RBFOX1: variants seen among roughly 807,000 people sequenced by gnomAD.
RBFOX1 encodes RNA binding fox-1 homolog 1, also known as RNA binding protein fox-1 homolog 1.
A neutral mutation model predicts 57.7 loss-of-function variants in RBFOX1; 8 were observed. The observed-to-expected ratio is 0.14, with a 90% CI of 0.08 to 0.25. RBFOX1 has a LOEUF of 0.25. RBFOX1 is among the 10% of genes least tolerant of loss of function. The pLI is 1.00. For missense variants in RBFOX1, 611 were observed against 548.5 expected (o/e 1.11, Z -1.14); for synonymous variants, 326 against 222.4 (o/e 1.47, Z -4.15).
intron 1 of RBFOX1, among the ~76,000 whole-genome samples, chr16:6,059,842 T>C (rs1444341708): frequency 6.6e-6 from 1 of 152,142 alleles, no homozygotes; most frequent in Non-Finnish European, 1.5e-5. Context: ...TTAGCCATGA[T>C]TCCAGGAATA....
intron 3 of RBFOX1, among the ~76,000 whole-genome samples, chr16:6,884,641 G>T (rs1304907427): frequency 6.6e-6 from 1 of 152,176 alleles, no homozygotes; most frequent in African/African-American, 2.4e-5. Context: ...GCTCACACCT[G>T]TAATCCCAGC....
intron 3 of RBFOX1, among the ~76,000 whole-genome samples, chr16:6,837,323 G>T (rs1355907430): frequency 6.6e-6 from 1 of 152,184 alleles, no homozygotes; most frequent in Non-Finnish European, 1.5e-5. Flanking sequence ...TTTTGTAGAT[G>T]TGCCACCTGG....
intron 14 of RBFOX1, among the ~76,000 whole-genome samples, chr16:7,687,127 T>A (rs867361131): frequency 6.6e-6 from 1 of 152,052 alleles, no homozygotes; most frequent in Non-Finnish European, 1.5e-5. Flanking sequence ...TCAATCTGTT[T>A]GGTTACTTGT....
chr16:6,745,813 G>T (rs890592611), intron 3 of RBFOX1, among the ~76,000 whole-genome samples: 1 of 152,124 alleles, frequency 6.6e-6, no homozygotes, highest in Non-Finnish European at 1.5e-5. Context: ...GAGGTAAAAG[G>T]CATCTGTTTA....
intron 3 of RBFOX1, among the ~76,000 whole-genome samples, chr16:6,672,881 C>T (rs1002338084): frequency 6.6e-6 from 1 of 152,086 alleles, no homozygotes; most frequent in African/African-American, 2.4e-5. Flanking sequence ...GCCCCCTTTC[C>T]CAAGAGACCC....
chr16:6,023,240 C>G lies in RBFOX1; in HGVS notation c.-127+3248C>G, dbSNP rs139855518. Among the ~76,000 whole-genome samples the G allele has an allele frequency of 6.7e-3, 996 of 148,196 alleles. 11 individuals carry two copies. Among genetic ancestry groups the G allele is most frequent in the African/African-American group, 0.023 (917 of 39,730 alleles). On this transcript the variant is annotated intron_variant, in intron 1 of 15. Coordinates refer to ENST00000550418, the MANE Select transcript of RBFOX1 (RefSeq NM_018723.4). Reference sequence around the variant, plus strand: ...CCTCCTGGAATTGACCCACTCTGCCCTATTTTTCTTCTCATTATAATTGAA... The same window carrying G: ...CCTCCTGGAATTGACCCACTCTGCCGTATTTTTCTTCTCATTATAATTGAA...
chr16:6,236,982 T>G (rs1329038815), intron 1 of RBFOX1, among the ~76,000 whole-genome samples: 1 of 152,156 alleles, frequency 6.6e-6, no homozygotes, highest in African/African-American at 2.4e-5. Flanking sequence ...AATATTCTAT[T>G]TCATCTCTAA....
At chr16:6,149,608 T>C (rs1189727850) in intron 1 of RBFOX1, among the ~76,000 whole-genome samples, 1 of 152,192 alleles carries the variant, frequency 6.6e-6, no homozygotes, top group African/African-American at 2.4e-5. Context: ...ATGCTAGATA[T>C]GCATTGGGTC....
intron 2 of RBFOX1, among the ~76,000 whole-genome samples, chr16:5,585,937 A>G (rs1291062983): frequency 1.3e-5 from 2 of 152,148 alleles, no homozygotes; most frequent in Admixed American, 1.3e-4. Context: ...TGTGAATATG[A>G]TCTTATGTGG....
At chr16:7,658,490 A>C (rs985052542) in intron 12 of RBFOX1, among the ~76,000 whole-genome samples, 1 of 152,130 alleles carries the variant, frequency 6.6e-6, no homozygotes, top group African/African-American at 2.4e-5. Context: ...CCTATGACTC[A>C]CATTTGGGAG....
At chr16:6,448,156 CT>C (rs397969435) in intron 2 of RBFOX1, among the ~76,000 whole-genome samples, 130 of 78,460 alleles carry the variant, frequency 1.7e-3, no homozygotes, top group South Asian at 2.5e-3. Context: ...TCTTTTCTTT[CT>C]TTTTTTTTTT....
At chr16:6,886,311 C>G (rs1261944260) in intron 3 of RBFOX1, among the ~76,000 whole-genome samples, 2 of 152,024 alleles carry the variant, frequency 1.3e-5, no homozygotes, top group Non-Finnish European at 2.9e-5. Flanking sequence ...ATCTGCCCAC[C>G]TCGACCTCCC....
At chr16:6,244,902 T>C (rs1387937898) in intron 1 of RBFOX1, among the ~76,000 whole-genome samples, 1 of 151,952 alleles carries the variant, frequency 6.6e-6, no homozygotes, top group Non-Finnish European at 1.5e-5. Flanking sequence ...CTGGTGTCCT[T>C]TGGCAAACTG....
intron 4 of RBFOX1, among the ~76,000 whole-genome samples, chr16:7,198,248 G>A: frequency 6.6e-6 from 1 of 152,000 alleles, no homozygotes. Context: ...GTCGTGATCT[G>A]CCTGCCTTGG....
At chr16:7,060,974 A>G (rs2054065100) in intron 4 of RBFOX1, among the ~76,000 whole-genome samples, 1 of 152,142 alleles carries the variant, frequency 6.6e-6, no homozygotes, top group Admixed American at 6.5e-5. Flanking sequence ...AACCCTCAGG[A>G]TTCAGGCCTG....
chr16:6,399,803 A>T (rs113947263), intron 2 of RBFOX1, among the ~76,000 whole-genome samples: 145 of 152,350 alleles, frequency 9.5e-4, no homozygotes, highest in African/African-American at 3.4e-3. Context: ...TCACAGTTCC[A>T]CATGGCTAAG....
At chr16:7,159,597 T>C (rs1385351295) in intron 4 of RBFOX1, among the ~76,000 whole-genome samples, 1 of 152,160 alleles carries the variant, frequency 6.6e-6, no homozygotes, top group Non-Finnish European at 1.5e-5. Flanking sequence ...ATCTCTCTAC[T>C]CCGCTATAGC....
chr16:6,451,806 C>T (rs1385673555), intron 2 of RBFOX1, among the ~76,000 whole-genome samples: 3 of 152,122 alleles, frequency 2.0e-5, no homozygotes, highest in Non-Finnish European at 2.9e-5. Context: ...CCATCCATGA[C>T]TCCTTCCTCC....
chr16:5,865,661 T>G (rs542244917), intron 3 of RBFOX1, among the ~76,000 whole-genome samples: 148 of 152,342 alleles, frequency 9.7e-4, no homozygotes, highest in African/African-American at 3.3e-3. Context: ...CATTCGTTCT[T>G]AAGTCCTTTG....
Sources: allele counts gnomAD v4.1 joint callset (sites outside exome capture counted in the v4.1 genomes callset), GRCh38; gene constraint gnomAD v4.1.1; transcripts MANE v1.5; gene names NCBI Gene and HGNC (gene_info 2026-07-23, HGNC 2026-07-21).